The following SEZ6 variants were observed in gnomAD, a reference collection of about 807,000 sequenced individuals.
SEZ6 encodes the protein seizure related 6 homolog, also known as seizure protein 6 homolog.
A neutral mutation model predicts 101.0 loss-of-function variants in SEZ6; 53 were observed. The ratio of observed to expected loss-of-function variants is 0.52; its 90% CI spans 0.42 to 0.66. The LOEUF is 0.66. Among genes scored for constraint, SEZ6 ranks in the 30% least tolerant of loss-of-function variants. The pLI, the probability that SEZ6 is intolerant of heterozygous loss-of-function variation, is 0.00. For missense variants in SEZ6, 1,102 were observed against 1,289.4 expected, an observed-to-expected ratio of 0.85 and a Z score of 2.23; for synonymous variants, 488 against 512.2, an observed-to-expected ratio of 0.95 and a Z score of 0.64.
At chr17:28,970,193 G>A (rs2041131640) in intron 3 of SEZ6, among the ~76,000 whole-genome samples, 1 of 152,186 alleles carries the variant, frequency 6.6e-6, no homozygotes, top group Non-Finnish European at 1.5e-5. Flanking sequence ...GAGATTCTTA[G>A]CAGAACTGGG....
At chr17:28,970,875 T>A (rs938296484) in intron 3 of SEZ6, among the ~76,000 whole-genome samples, 4 of 152,240 alleles carry the variant, frequency 2.6e-5, no homozygotes, top group Non-Finnish European at 5.9e-5. Flanking sequence ...CCCTGCTGAC[T>A]GTCAGCTGGG....
In SEZ6 at chr17:28,969,864, A is replaced by T. The variant is rs372473677; in HGVS notation, c.947T>A (p.Phe316Tyr). Residue 316 changes from phenylalanine (F) to tyrosine (Y), a missense_variant, in exon 4 of 17, where the codon TTC (phenylalanine) becomes TAC (tyrosine). Physicochemically the swap from Phe to Tyr is conservative, Grantham distance 22 (BLOSUM62 3). This residue lies in a region of SEZ6 where 406 missense variants were observed against 418.6 expected (regional missense o/e 0.97). Transcript: ENST00000317338. ...GCGGATGACTTGGCCCCGCAGCAGG[A>T]AAGACTGGTTGGCCAGGGGCAGTGG... ...PDPLPLANQSFLLRGQVIRSP... is the reference protein window; with the variant it reads ...PDPLPLANQSYLLRGQVIRSP... The T allele has an allele frequency of 7.8e-6, 12 of 1,537,500 alleles. No individual in the cohort carries two copies. The highest frequency in any genetic ancestry group is 1.0e-5 in the Non-Finnish European group (12 of 1,151,906).
At position 28,959,372 on chromosome 17, in the gene SEZ6, A is replaced by G. The variant is rs747420729; in HGVS notation, c.1872T>C (p.His624=). 3.0e-5 allele frequency: 49 copies of G among 1,613,736 alleles called. No homozygotes were observed. Among genetic ancestry groups the G allele is most frequent in the Non-Finnish European group, 4.0e-5 (47 of 1,179,848 alleles). Residue 624 remains histidine, a synonymous_variant, in exon 9 of 17, where the codon CAT becomes CAC. Coordinates refer to ENST00000317338, the MANE Select transcript of SEZ6 (RefSeq NM_178860.5). This position sits in a 1 kb window ranked among gnomAD's most constrained non-coding sequence, Gnocchi z 4.4. The part of the protein sequence containing the change: ...GRGQDCIWGV[H]VEEDKRIMLD... ...GCATGATGCGCTTGTCCTCTTCCAC[A>G]TGCACACCCCAGATACAATCCTGCC...
In SEZ6 at chr17:28,988,105, G is replaced by T. The variant is rs112389220; in HGVS notation, c.56-6066C>A. 3.6e-3 allele frequency among the ~76,000 whole-genome samples: 555 copies of T among 152,292 alleles called. 2 individuals are homozygous for T. Among genetic ancestry groups the T allele is most frequent in the African/African-American group, 0.013 (531 of 41,560 alleles). On this transcript the variant is annotated intron_variant, in intron 1 of 16. Coordinates refer to ENST00000317338, the MANE Select transcript of SEZ6 (RefSeq NM_178860.5). Reference sequence around the variant, plus strand: ...ATACACTCAAAAGGAACTTCTCATCGTCAGAACAGGTGCCTTCCCCGTTTT... The same window carrying T: ...ATACACTCAAAAGGAACTTCTCATCTTCAGAACAGGTGCCTTCCCCGTTTT...
rs1976165 is a variant in SEZ6 at position 28,959,833 on chromosome 17, T to C, written c.1636A>G (p.Thr546Ala). ...GTGGTACCCACAGGGTAGGTGGGTG[T>C]GCTGCTGCTGAAGTTACCGTATTTG... is the stretch of plus-strand genomic sequence containing the variant. ...FVKYGNFSSSTPTYPVGTTVE... is the reference protein window; with the variant it reads ...FVKYGNFSSSAPTYPVGTTVE... The change falls in exon 8 of 17, where the codon ACA becomes GCA. Residue 546 changes from threonine (T) to alanine (A), a missense_variant. By Grantham distance (58) the Thr-to-Ala change is moderately conservative (BLOSUM62 0). Transcript: ENST00000317338. The surrounding 1 kb of genome is among the most constrained non-coding windows in gnomAD (Gnocchi z 4.4). 435,570 of 1,613,136 alleles carry C rather than the reference T, an allele frequency of 0.27. 61,549 individuals are homozygous for C. The highest frequency in any genetic ancestry group is 0.46 in the African/African-American group (34,752 of 74,908).
chr17:28,956,984 C>T, intron 13 of SEZ6, 61 bp downstream of exon 13: 7 of 1,484,516 alleles, frequency 4.7e-6, no homozygotes, highest in Non-Finnish European at 6.3e-6. Context: ...AAACATTGGA[C>T]ATCTTTGCCA....
rs1016006260 is a variant in SEZ6 at position 29,004,480 on chromosome 17, G to A, written c.55+1335C>T. 2.0e-5 allele frequency among the ~76,000 whole-genome samples: 3 copies of A among 152,212 alleles called. No individual in the cohort carries two copies. The East Asian group carries it at 5.8e-4, about 29-fold the overall frequency. On this transcript the variant is annotated intron_variant, in intron 1 of 16. Transcript: ENST00000317338. Reference sequence around the variant, plus strand: ...GATCCAGCATGGGCAGCCCGGTAGCGGGGTGAGGACACTGGGCTGTGTGCA... The same window carrying A: ...GATCCAGCATGGGCAGCCCGGTAGCAGGGTGAGGACACTGGGCTGTGTGCA...
intron 3 of SEZ6, among the ~76,000 whole-genome samples, chr17:28,975,507 GT>G (rs994986899): frequency 6.6e-6 from 1 of 152,234 alleles, no homozygotes; most frequent in Admixed American, 6.5e-5. Flanking sequence ...GACAGACTCT[GT>G]GCCCTTCTGA....
At chr17:28,996,283 G>A (rs2041538796) in intron 1 of SEZ6, among the ~76,000 whole-genome samples, 2 of 152,054 alleles carry the variant, frequency 1.3e-5, no homozygotes, top group Admixed American at 6.5e-5. Context: ...GGAGGTCATC[G>A]TGGGACCTCT....
intron 3 of SEZ6, among the ~76,000 whole-genome samples, chr17:28,972,311 C>T (rs1363082634): frequency 6.6e-6 from 1 of 152,244 alleles, no homozygotes; most frequent in Non-Finnish European, 1.5e-5. Flanking sequence ...GTGTGGGCTG[C>T]TGGAGAGACA....
chr17:28,968,204 C>T (rs1022699931), intron 4 of SEZ6, among the ~76,000 whole-genome samples: 2 of 152,238 alleles, frequency 1.3e-5, no homozygotes, highest in Non-Finnish European at 2.9e-5. Context: ...CTCCTGTTCC[C>T]ATCTCTGGGA....
At chr17:28,990,553 C>CT (rs2041442824) in intron 1 of SEZ6, among the ~76,000 whole-genome samples, 1 of 152,198 alleles carries the variant, frequency 6.6e-6, no homozygotes, top group Non-Finnish European at 1.5e-5. Flanking sequence ...GTGTGAGCCA[C>CT]TGTGCCTGGC....
chr17:29,002,389 C>T (rs1568006382), intron 1 of SEZ6, among the ~76,000 whole-genome samples: 1 of 152,196 alleles, frequency 6.6e-6, no homozygotes, highest in Non-Finnish European at 1.5e-5. Context: ...TCTCCTTGCT[C>T]TCCATTAGTG....
intron 4 of SEZ6, among the ~76,000 whole-genome samples, chr17:28,966,320 A>AC: frequency 1.6e-5 from 1 of 60,748 alleles, no homozygotes; most frequent in South Asian, 5.2e-4. Flanking sequence ...CTAAAAATAC[A>AC]AAAAAAAAAA....
At chr17:28,986,492 G>A (rs1349038436) in intron 1 of SEZ6, among the ~76,000 whole-genome samples, 1 of 152,246 alleles carries the variant, frequency 6.6e-6, no homozygotes, top group African/African-American at 2.4e-5. Context: ...GTCCAGCTAG[G>A]TAGGTGTTAT....
chr17:28,976,860 A>G (rs925500960), intron 3 of SEZ6, among the ~76,000 whole-genome samples: 1 of 152,188 alleles, frequency 6.6e-6, no homozygotes, highest in Non-Finnish European at 1.5e-5. Flanking sequence ...GTCTCAGGCC[A>G]GGTGTCATCA....
chr17:28,998,010 C>A (rs1292875886), intron 1 of SEZ6, among the ~76,000 whole-genome samples: 1 of 151,982 alleles, frequency 6.6e-6, no homozygotes, highest in Non-Finnish European at 1.5e-5. Context: ...GCTGGTGGGA[C>A]CCAGGCCAGA....
At chr17:28,974,358 C>G (rs2041192747) in intron 3 of SEZ6, among the ~76,000 whole-genome samples, 1 of 152,182 alleles carries the variant, frequency 6.6e-6, no homozygotes, top group Non-Finnish European at 1.5e-5. Flanking sequence ...CTTCCACCCC[C>G]TGGCAGAAAA....
Position 29,005,102 on chromosome 17 carries a change from TG to T in SEZ6, c.55+712del, listed in dbSNP as rs1598220700. On this transcript the variant is annotated intron_variant, in intron 1 of 16. Transcript: ENST00000317338. This position sits in a 1 kb window ranked among gnomAD's most constrained non-coding sequence, Gnocchi z 4.8. The stretch of plus-strand genomic sequence containing the variant: ...TGGTGTGTGTGTGTGTGTGTGTGTG[TG>T]TGTGTGTGTGTGTGTACAAGGAAAG... 6.6e-6 allele frequency among the ~76,000 whole-genome samples: 1 copy of T among 150,554 alleles called. No homozygotes were observed. The highest frequency in any genetic ancestry group is 2.5e-5 in the African/African-American group (1 of 40,268).
Sources: allele counts gnomAD v4.1 joint callset (sites outside exome capture counted in the v4.1 genomes callset), GRCh38; gene constraint gnomAD v4.1.1; regional missense constraint gnomAD v4.1.1; non-coding constraint Gnocchi (gnomAD v3.1); transcripts MANE v1.5; gene names NCBI Gene and HGNC (gene_info 2026-07-23, HGNC 2026-07-21).